GPM6A: variants seen among roughly 807,000 people sequenced by gnomAD.
The protein encoded by GPM6A is glycoprotein M6A, also known as neuronal membrane glycoprotein M6-a.
In GPM6A, 7 loss-of-function variants were observed where a neutral mutation model predicts 32.1. The ratio of observed to expected loss-of-function variants is 0.22; its 90% CI spans 0.12 to 0.41. The LOEUF (loss-of-function observed/expected upper bound fraction) is 0.41. Ranked by LOEUF, GPM6A falls within the 10% of genes least tolerant of loss-of-function variation. GPM6A has a pLI of 1.00. For missense variants in GPM6A, 235 were observed against 347.2 expected (o/e 0.68, Z 2.57); for synonymous variants, 130 against 123.4 (o/e 1.05, Z -0.35).
chr4:175,725,015 C>T (rs1368523877), intron 1 of GPM6A, among the ~76,000 whole-genome samples: 4 of 152,170 alleles, frequency 2.6e-5, no homozygotes, highest in Non-Finnish European at 5.9e-5. Flanking sequence ...CTGAACTAAC[C>T]TCTTCATTTG....
At chr4:175,961,552 C>T (rs1329543712) in intron 1 of GPM6A, among the ~76,000 whole-genome samples, 2 of 152,114 alleles carry the variant, frequency 1.3e-5, no homozygotes, top group Non-Finnish European at 2.9e-5. Context: ...TTGCTGGAGA[C>T]TCAGTTTGGA....
intron 1 of GPM6A, among the ~76,000 whole-genome samples, chr4:175,928,412 CT>C (rs1268628163): frequency 6.6e-6 from 1 of 152,136 alleles, no homozygotes; most frequent in Non-Finnish European, 1.5e-5. Context: ...TTCTCTTTTT[CT>C]TGTCCACACG....
intron 1 of GPM6A, among the ~76,000 whole-genome samples, chr4:175,785,883 A>G (rs1052490433): frequency 1.3e-5 from 2 of 152,184 alleles, no homozygotes; most frequent in Non-Finnish European, 2.9e-5. Context: ...AATGAGGAAC[A>G]AGATGGAAAT....
chr4:175,944,602 G>A (rs6818231), intron 1 of GPM6A, among the ~76,000 whole-genome samples: 148,109 of 152,336 alleles, frequency 0.97, 72,127 homozygotes, highest in East Asian at 1. Flanking sequence ...GCTCTTAACA[G>A]TATTATCAGG....
intron 1 of GPM6A, among the ~76,000 whole-genome samples, chr4:175,750,258 A>G (rs1304989724): frequency 6.6e-6 from 1 of 152,044 alleles, no homozygotes; most frequent in African/African-American, 2.4e-5. Flanking sequence ...GGGTTTCACC[A>G]TGCTGGCCAG....
chr4:175,637,211 ATATCATATATAATATAAAATATATATT>A (rs1740701856), intron 6 of GPM6A, among the ~76,000 whole-genome samples: 1 of 38,048 alleles, frequency 2.6e-5, no homozygotes, highest in African/African-American at 9.0e-5. Flanking sequence ...GTGACATAAT[ATATCATATATAATATAAAATATATATT>A]ATATATTATA....
chr4:175,936,306 CAAAAAAAAAA>C (rs35653197), intron 1 of GPM6A, among the ~76,000 whole-genome samples: 5 of 45,600 alleles, frequency 1.1e-4, no homozygotes, highest in East Asian at 1.8e-3. Context: ...ACTCTGTCTC[CAAAAAAAAAA>C]AAAAAAAAAA....
chr4:175,934,714 C>T (rs754551866), intron 1 of GPM6A, among the ~76,000 whole-genome samples: 4 of 152,148 alleles, frequency 2.6e-5, no homozygotes, highest in African/African-American at 4.8e-5. Flanking sequence ...TTTCACAGAA[C>T]GCGAGGGTAA....
intron 1 of GPM6A, among the ~76,000 whole-genome samples, chr4:175,712,344 C>G (rs1230913255): frequency 6.6e-6 from 1 of 152,174 alleles, no homozygotes; most frequent in Non-Finnish European, 1.5e-5. Flanking sequence ...TATGGCAGAG[C>G]CAGGAGGCCT....
chr4:175,674,270 C>T (rs1257589810), intron 2 of GPM6A, among the ~76,000 whole-genome samples: 2 of 152,026 alleles, frequency 1.3e-5, no homozygotes, highest in Non-Finnish European at 1.5e-5. Context: ...TTCTGCCTGC[C>T]GTGTTCAAGT....
intron 1 of GPM6A, among the ~76,000 whole-genome samples, chr4:175,855,038 C>A (rs1445993796): frequency 4.6e-5 from 7 of 152,064 alleles, no homozygotes. Flanking sequence ...CTGGTCCCAA[C>A]CAACAAACTT....
intron 1 of GPM6A, among the ~76,000 whole-genome samples, chr4:175,760,053 G>A (rs1021170116): frequency 3.3e-5 from 5 of 152,008 alleles, no homozygotes; most frequent in Non-Finnish European, 5.9e-5. Flanking sequence ...GATGGTGCAT[G>A]CCTGTAATCA....
intron 1 of GPM6A, among the ~76,000 whole-genome samples, chr4:175,969,647 G>T (rs1485728810): frequency 1.3e-5 from 2 of 152,134 alleles, no homozygotes; most frequent in Non-Finnish European, 2.9e-5. Context: ...GGAGGCAAAG[G>T]TTGTAGTGAG....
At chr4:175,916,183 C>T (rs556536099) in intron 1 of GPM6A, among the ~76,000 whole-genome samples, 2 of 152,332 alleles carry the variant, frequency 1.3e-5, no homozygotes, top group South Asian at 4.1e-4. Flanking sequence ...ACATCTGTCC[C>T]TCCCTTTCCC....
rs564371752 is a variant in GPM6A, at chr4:175,703,783, G to C, written c.38-2016C>G. On this transcript the variant is annotated intron_variant, in intron 1 of 6. Coordinates refer to ENST00000393658, the MANE Select transcript of GPM6A (RefSeq NM_201591.3). ...AGCTGATAAAGGAGAATTTAGATGA[G>C]AGAGCTGACAGGCTAAGGGTACTTG... Among the ~76,000 whole-genome samples the C allele has an allele frequency of 3.3e-5, 5 of 152,282 alleles. No homozygotes were observed. In the South Asian group the frequency reaches 1.0e-3, roughly 32 times the overall value.
At chr4:175,671,303 C>CAA (rs58918034) in intron 3 of GPM6A, among the ~76,000 whole-genome samples, 15 of 139,646 alleles carry the variant, frequency 1.1e-4, no homozygotes, top group African/African-American at 2.6e-4. Context: ...ATACTTGTTG[C>CAA]AAAAAAAAAA....
At chr4:175,877,182 G>C (rs1211376536) in intron 1 of GPM6A, among the ~76,000 whole-genome samples, 1 of 152,202 alleles carries the variant, frequency 6.6e-6, no homozygotes, top group Non-Finnish European at 1.5e-5. Flanking sequence ...TGTGGGCACA[G>C]TGTGGCACAA....
In GPM6A at chr4:175,688,020, ATT is replaced by A. The variant is rs1171485897; in HGVS notation, c.230+13553_230+13554del. ...TACCTATTCAAGTCCTCATTTGCCT[ATT>A]TTTTAATTGGGTATTTTTGTTTTTG... On this transcript the variant is annotated intron_variant, in intron 2 of 6. Transcript: ENST00000393658. Among the ~76,000 whole-genome samples, 3 of 152,066 alleles carry A rather than the reference ATT, an allele frequency of 2.0e-5. No individual in the cohort carries two copies. The East Asian group carries it at 5.8e-4, about 29-fold the overall frequency.
At chr4:175,683,300 T>G (rs1205112655) in intron 2 of GPM6A, among the ~76,000 whole-genome samples, 1 of 152,224 alleles carries the variant, frequency 6.6e-6, no homozygotes, top group Non-Finnish European at 1.5e-5. Flanking sequence ...CTACTGTCTG[T>G]GTCTCCATTG....
Sources: gnomAD v4.1 joint callset for allele counts (sites outside exome capture counted in the v4.1 genomes callset) on GRCh38, gnomAD v4.1.1 for gene constraint, MANE v1.5 for transcripts, NCBI Gene and HGNC (gene_info 2026-07-23, HGNC 2026-07-21) for gene names.